The following SULT1C2 variants were observed in gnomAD, a reference collection of about 807,000 sequenced individuals.
SULT1C2 encodes the protein sulfotransferase family 1C member 2, also known as sulfotransferase 1C2.
SULT1C2 carries 27 observed loss-of-function variants against 36.0 expected under a neutral mutation model. The observed-to-expected ratio is 0.75, with a 90% confidence interval of 0.55 to 1.03. SULT1C2 has a LOEUF of 1.03. SULT1C2 is among the 50% of genes least tolerant of loss of function. The pLI, the probability that SULT1C2 is intolerant of heterozygous loss-of-function variation, is 0.00. For synonymous variants in SULT1C2, 121 were observed against 116.0 expected (o/e 1.04, Z -0.27); for missense variants, 395 against 359.2 (o/e 1.10, Z -0.80).
In SULT1C2 at chr2:108,305,525, T is replaced by C; in HGVS notation, c.708T>C (p.Asn236=). 1 of 1,614,024 alleles carries C rather than the reference T, an allele frequency of 6.2e-7. No homozygotes were observed. The highest frequency in any genetic ancestry group is 8.5e-7 in the Non-Finnish European group (1 of 1,179,998). Reference sequence around the variant, plus strand: ...CGTCATTTGAGAAAATGAAAGAAAATCCCATGACAAATCGTTCTACAGTTT... The same window carrying C: ...CGTCATTTGAGAAAATGAAAGAAAACCCCATGACAAATCGTTCTACAGTTT... The part of the protein sequence containing the change: ...QETSFEKMKE[N]PMTNRSTVSK... The change falls in exon 7 of 8, where the codon AAT becomes AAC. Residue 236 remains asparagine, a synonymous_variant. Transcript: ENST00000251481.
Position 108,309,578 on chromosome 2 carries a change from G to C in SULT1C2, c.*1114G>C, listed in dbSNP as rs991914939. ...CCCTGGGAGCAGACAATAAGAGGAAGAATGAAGCCAACTAAAATTCTGAAT... is the reference window on the plus strand; with the variant it reads ...CCCTGGGAGCAGACAATAAGAGGAACAATGAAGCCAACTAAAATTCTGAAT... On this transcript the variant is annotated 3_prime_UTR_variant, in exon 8 of 8. Coordinates refer to ENST00000251481, the MANE Select transcript of SULT1C2 (RefSeq NM_001056.4). 9 of 152,176 alleles carry C rather than the reference G, an allele frequency of 5.9e-5. No individual in the cohort carries two copies. The highest frequency in any genetic ancestry group is 3.9e-4 in the Admixed American group (6 of 15,266). 9.4% of individuals were successfully genotyped at this position (152,176 alleles called of 1,614,324 possible).
intron 3 of SULT1C2, chr2:108,298,604 A>T: frequency 3.2e-6 from 1 of 315,532 alleles, no homozygotes; most frequent in South Asian, 2.4e-5. Context: ...CTGGTCTCAA[A>T]CTCCTGAGCT....
intron 2 of SULT1C2, 66 bp from the exon 3 acceptor site, chr2:108,294,163 T>A: frequency 6.3e-7 from 1 of 1,593,894 alleles, no homozygotes; most frequent in Non-Finnish European, 8.6e-7. Context: ...CTTCGTTTAC[T>A]CGGGACTCTT....
intron 3 of SULT1C2, among the ~76,000 whole-genome samples, chr2:108,298,815 G>T: frequency 6.6e-6 from 1 of 151,794 alleles, no homozygotes. Context: ...CACTTGTTTT[G>T]TAATTTTGTA....
At chr2:108,291,244 A>T (rs954878097) in intron 1 of SULT1C2, among the ~76,000 whole-genome samples, 1 of 152,136 alleles carries the variant, frequency 6.6e-6, no homozygotes, top group Non-Finnish European at 1.5e-5. Context: ...AGTCATTCTC[A>T]TGCTTCCAAA....
chr2:108,294,149 T>A, intron 2 of SULT1C2, 80 bp from the exon 3 acceptor site: 1 of 1,576,396 alleles, frequency 6.3e-7, no homozygotes. Context: ...AGGCTCTACA[T>A]CCTCTTCGTT....
intron 3 of SULT1C2, among the ~76,000 whole-genome samples, chr2:108,297,371 G>A (rs1250427684): frequency 1.3e-5 from 2 of 152,176 alleles, no homozygotes; most frequent in African/African-American, 4.8e-5. Flanking sequence ...ACTCTTTGAT[G>A]GCAAGAAACA....
At chr2:108,305,639 A>T in intron 7 of SULT1C2, 44 bp downstream of exon 7, 1 of 1,608,208 alleles carries the variant, frequency 6.2e-7, no homozygotes. Flanking sequence ...GTCTCGTAAC[A>T]TCCTGTCTGC....
At chr2:108,303,571 G>C (rs554091720) in intron 4 of SULT1C2, 1 of 152,344 alleles carries the variant, frequency 6.6e-6, no homozygotes, top group South Asian at 2.1e-4. Context: ...GGAAGTGTTG[G>C]GGGTATAGGC....
At position 108,305,234 on chromosome 2, in the gene SULT1C2, A is replaced by T; in HGVS notation, c.565A>T (p.Ile189Phe). 1 of 1,614,188 alleles carries T rather than the reference A, an allele frequency of 6.2e-7. No individual in the cohort carries two copies. The highest frequency in any genetic ancestry group is 8.5e-7 in the Non-Finnish European group (1 of 1,180,024). Residue 189 changes from isoleucine to phenylalanine, a missense_variant, in exon 6 of 8, where the codon ATT becomes TTT. Physicochemically the swap from Ile to Phe is conservative, Grantham distance 21. Coordinates refer to ENST00000251481, the MANE Select transcript of SULT1C2 (RefSeq NM_001056.4). Reference protein sequence around the residue: ...GWWEMKDRHQILFLFYEDIKR... With the variant: ...GWWEMKDRHQFLFLFYEDIKR... ...GTGGGAGATGAAAGACAGACACCAG[A>T]TTCTCTTCCTCTTCTATGAGGACAT...
At chr2:108,294,202 T>C in intron 2 of SULT1C2, 27 bp from the exon 3 acceptor site, 4 of 1,612,466 alleles carry the variant, frequency 2.5e-6, no homozygotes, top group Non-Finnish European at 3.4e-6. Context: ...AGATTTCTGC[T>C]TCTCATCCTT....
At chr2:108,307,593 G>C (rs1475662293) in intron 7 of SULT1C2, among the ~76,000 whole-genome samples, 1 of 152,084 alleles carries the variant, frequency 6.6e-6, no homozygotes, top group African/African-American at 2.4e-5. Flanking sequence ...TTTTATTTCT[G>C]TTGCATAATT....
chr2:108,304,334 A>G, intron 4 of SULT1C2: 1 of 379,792 alleles, frequency 2.6e-6, no homozygotes, highest in Admixed American at 4.2e-5. Context: ...CAGGCAATCT[A>G]ATCCTCACCA....
intron 1 of SULT1C2, among the ~76,000 whole-genome samples, chr2:108,292,393 AAC>A (rs66462427): frequency 0.22 from 29,507 of 132,960 alleles, 3,587 homozygotes; most frequent in East Asian, 0.53. Context: ...CAACAATGAC[AAC>A]ACACACACAC....
chr2:108,289,940 GC>G (rs1159944028), intron 1 of SULT1C2, among the ~76,000 whole-genome samples: 1 of 152,214 alleles, frequency 6.6e-6, no homozygotes, highest in Non-Finnish European at 1.5e-5. Context: ...GGACAGCCAA[GC>G]CCTTAACCGC....
intron 4 of SULT1C2, chr2:108,302,318 G>A (rs1676903386): frequency 6.6e-6 from 1 of 152,270 alleles, no homozygotes; most frequent in South Asian, 2.1e-4. Flanking sequence ...CTCAATGGAT[G>A]GGTGGAGGAG....
At chr2:108,300,583 C>A in intron 3 of SULT1C2, 1 of 522,162 alleles carries the variant, frequency 1.9e-6, no homozygotes, top group Non-Finnish European at 3.1e-6. Context: ...CTTCACTTGA[C>A]CATTCTCACC....
rs567457024 is a variant in SULT1C2, at chr2:108,300,895, C to T, written c.335C>T (p.Thr112Ile). ...SPRILKTHLS[T>I]QLLPPSFWEN... ...CGGATACTAAAGACTCACCTTTCCA[C>T]TCAGCTGCTGCCACCGTCTTTCTGG... Residue 112 changes from threonine to isoleucine, a missense_variant, in exon 4 of 8, where the codon ACT becomes ATT. By Grantham distance (89) the Thr-to-Ile change is moderately conservative. Coordinates refer to ENST00000251481, the MANE Select transcript of SULT1C2 (RefSeq NM_001056.4). 122 of 1,614,158 alleles carry T rather than the reference C, an allele frequency of 7.6e-5. No homozygotes were observed. In the South Asian group the frequency reaches 1.3e-3, roughly 17 times the overall value.
rs1677107542 is a variant in SULT1C2 at position 108,309,660 on chromosome 2, C to T, written c.*1196C>T. 1 of 151,422 alleles carries T rather than the reference C, an allele frequency of 6.6e-6. No individual in the cohort carries two copies. The highest frequency in any genetic ancestry group is 1.5e-5 in the Non-Finnish European group (1 of 67,934). 9.4% of individuals were successfully genotyped at this position (151,422 alleles called of 1,614,324 possible). On this transcript the variant is annotated 3_prime_UTR_variant, in exon 8 of 8. Coordinates refer to ENST00000251481, the MANE Select transcript of SULT1C2 (RefSeq NM_001056.4). ...TTAAAATAGGGTCTTGCTATGTTGC[C>T]CAGGCTGGTCTTAACTGACTGCTTT...
Sources: gnomAD v4.1 joint callset for allele counts (sites outside exome capture counted in the v4.1 genomes callset) on GRCh38, gnomAD v4.1.1 for gene constraint, MANE v1.5 for transcripts, NCBI Gene and HGNC (gene_info 2026-07-23, HGNC 2026-07-21) for gene names.